The following GFOD1 variants were observed in gnomAD, a reference collection of about 807,000 sequenced individuals.
The protein encoded by GFOD1 is Gfo/Idh/MocA-like oxidoreductase domain containing 1, also known as glucose-fructose oxidoreductase domain-containing protein 1.
GFOD1 carries 9 observed loss-of-function variants against 25.4 expected under a neutral mutation model. That is an observed-to-expected ratio of 0.35 (90% CI 0.21 to 0.62). The LOEUF (loss-of-function observed/expected upper bound fraction) is 0.62. GFOD1 is among the 20% of genes least tolerant of loss of function. The probability of loss-of-function intolerance (pLI) is 0.72; values close to 1 mark genes in which losing one functional copy is unlikely to be tolerated. For missense variants in GFOD1, 403 were observed against 556.9 expected (o/e 0.72, Z 2.78); for synonymous variants, 253 against 245.6 (o/e 1.03, Z -0.28).
In GFOD1 at chr6:13,378,670, C is replaced by A. The variant is rs542265340; in HGVS notation, c.254-13008G>T. ...GGCCCCAGCCTTCCGCAAGTGGGCA[C>A]CTCTCATCTCAGCCAAAGGAACCAG... On this transcript the variant is annotated intron_variant, in intron 1 of 1. Transcript: ENST00000379287. Among the ~76,000 whole-genome samples, 3 of 152,274 alleles carry A rather than the reference C, an allele frequency of 2.0e-5. No homozygotes were observed. In the East Asian group the frequency reaches 5.8e-4, roughly 29 times the overall value.
chr6:13,390,757 GAGAA>G (rs1279041126), intron 1 of GFOD1, among the ~76,000 whole-genome samples: 1 of 94,676 alleles, frequency 1.1e-5, no homozygotes, highest in African/African-American at 5.8e-5. Flanking sequence ...GGAAGAGAGA[GAGAA>G]AGAGAGAGAG....
At chr6:13,412,908 A>T (rs1373296693) in intron 1 of GFOD1, among the ~76,000 whole-genome samples, 6 of 152,202 alleles carry the variant, frequency 3.9e-5, no homozygotes, top group Non-Finnish European at 4.4e-5. Context: ...TCTGCCTCAG[A>T]GTGTGTGTGT....
intron 1 of GFOD1, among the ~76,000 whole-genome samples, chr6:13,443,840 C>T (rs985889895): frequency 4.3e-4 from 47 of 109,360 alleles, no homozygotes; most frequent in African/African-American, 1.9e-3. Flanking sequence ...AAAAAAAAAT[C>T]ATCACAGCTA....
chr6:13,410,311 T>C (rs1219440256), intron 1 of GFOD1, among the ~76,000 whole-genome samples: 3 of 151,862 alleles, frequency 2.0e-5, no homozygotes, highest in African/African-American at 7.3e-5. Context: ...ACAATGAAAG[T>C]TGGAAAGAAG....
chr6:13,432,458 T>C (rs1033145212), intron 1 of GFOD1, among the ~76,000 whole-genome samples: 13 of 152,060 alleles, frequency 8.5e-5, no homozygotes, highest in Admixed American at 5.2e-4. Context: ...TCTTCCCACC[T>C]TGGCCTCCCA....
Position 13,439,835 on chromosome 6 carries a change from T to C in GFOD1, c.253+46803A>G, listed in dbSNP as rs149203984. On this transcript the variant is annotated intron_variant, in intron 1 of 1. Transcript: ENST00000379287. ...GGGAGAATACTTTCAAAGACACCAA[T>C]GTCTATGATTCACCCCTAGAGACTG... is the stretch of plus-strand genomic sequence containing the variant. 1.6e-3 allele frequency among the ~76,000 whole-genome samples: 247 copies of C among 152,298 alleles called. 2 individuals are homozygous for C. The highest frequency in any genetic ancestry group is 2.9e-3 in the Non-Finnish European group (198 of 68,026).
intron 1 of GFOD1, among the ~76,000 whole-genome samples, chr6:13,482,959 T>A: frequency 6.6e-6 from 1 of 151,242 alleles, no homozygotes; most frequent in East Asian, 1.9e-4. Flanking sequence ...ATATTATGTG[T>A]TATATATACA....
Position 13,360,961 on chromosome 6 carries a change from AGTTCCTCT to A in GFOD1, c.*3774_*3781del. The A allele has an allele frequency of 2.4e-6, 1 of 421,792 alleles. No homozygotes were observed. The highest frequency in any genetic ancestry group is 4.8e-6 in the Non-Finnish European group (1 of 207,492). 26.1% of individuals were successfully genotyped at this position (421,792 alleles called of 1,614,324 possible). ...CCTAACAGTTGTGTGACTTTGAACA[AGTTCCTCT>A]TCCTCTTACTGCCTCCATTTTCTCA... is the stretch of plus-strand genomic sequence containing the variant. On this transcript the variant is annotated 3_prime_UTR_variant, in exon 2 of 2. Transcript: ENST00000379287.
intron 1 of GFOD1, among the ~76,000 whole-genome samples, chr6:13,439,914 C>A (rs1469474774): frequency 1.3e-5 from 2 of 152,150 alleles, no homozygotes; most frequent in Admixed American, 1.3e-4. Flanking sequence ...AAGAATTTCA[C>A]GGGCAATTCT....
At chr6:13,399,450 A>G (rs570413664) in intron 1 of GFOD1, among the ~76,000 whole-genome samples, 1 of 152,368 alleles carries the variant, frequency 6.6e-6, no homozygotes, top group South Asian at 2.1e-4. Context: ...AGTTGTATTT[A>G]TAATTGCCAA....
At chr6:13,477,254 T>TGTA (rs1562231516) in intron 1 of GFOD1, among the ~76,000 whole-genome samples, 1 of 149,682 alleles carries the variant, frequency 6.7e-6, no homozygotes, top group Non-Finnish European at 1.5e-5. Flanking sequence ...TGTGTGTGTG[T>TGTA]AGATGAGAGA....
chr6:13,434,609 G>C (rs1757805375), intron 1 of GFOD1, among the ~76,000 whole-genome samples: 1 of 152,172 alleles, frequency 6.6e-6, no homozygotes, highest in African/African-American at 2.4e-5. Flanking sequence ...GGCATTATAA[G>C]AACACAAAAG....
intron 1 of GFOD1, chr6:13,472,179 G>C (rs1584672298): frequency 6.6e-6 from 1 of 152,320 alleles, no homozygotes; most frequent in African/African-American, 2.4e-5. Context: ...CTCCCCCTGG[G>C]TCCCTCCCAC....
intron 1 of GFOD1, among the ~76,000 whole-genome samples, chr6:13,400,354 G>A (rs1395306729): frequency 2.0e-5 from 3 of 151,450 alleles, no homozygotes; most frequent in Admixed American, 2.0e-4. Flanking sequence ...AGAGTTGGTG[G>A]TTACCACTGC....
intron 1 of GFOD1, among the ~76,000 whole-genome samples, chr6:13,373,170 G>A (rs1229178090): frequency 6.6e-6 from 1 of 152,192 alleles, no homozygotes; most frequent in African/African-American, 2.4e-5. Context: ...CAGGAAAGGC[G>A]TGATTATGGA....
intron 1 of GFOD1, among the ~76,000 whole-genome samples, chr6:13,370,378 A>G (rs2127555715): frequency 6.6e-6 from 1 of 152,366 alleles, no homozygotes; most frequent in African/African-American, 2.4e-5. Context: ...ATCATCATAC[A>G]TTCACAATAA....
chr6:13,441,707 T>C (rs1757918790), intron 1 of GFOD1, among the ~76,000 whole-genome samples: 1 of 152,210 alleles, frequency 6.6e-6, no homozygotes, highest in Non-Finnish European at 1.5e-5. Flanking sequence ...AAGAGTTAAG[T>C]TCCTATGGCA....
intron 1 of GFOD1, among the ~76,000 whole-genome samples, chr6:13,368,313 C>T (rs1176997698): frequency 6.6e-6 from 1 of 152,210 alleles, no homozygotes; most frequent in African/African-American, 2.4e-5. Flanking sequence ...CCCCTGATGG[C>T]CATGAAATAG....
chr6:13,386,943 C>T lies in GFOD1; in HGVS notation c.254-21281G>A, dbSNP rs114402430. 8.1e-3 allele frequency among the ~76,000 whole-genome samples: 1,238 copies of T among 152,270 alleles called. 17 individuals carry two copies. The highest frequency in any genetic ancestry group is 0.024 in the African/African-American group (991 of 41,550). On this transcript the variant is annotated intron_variant, in intron 1 of 1. Coordinates refer to ENST00000379287, the MANE Select transcript of GFOD1 (RefSeq NM_018988.4). The stretch of plus-strand genomic sequence containing the variant: ...AATGCTGGTGAAAAATGTTAAAAAG[C>T]ATCAATTCTGCATTCCATCCTCATT...
Sources: allele counts gnomAD v4.1 joint callset (sites outside exome capture counted in the v4.1 genomes callset), GRCh38; gene constraint gnomAD v4.1.1; transcripts MANE v1.5; gene names NCBI Gene and HGNC (gene_info 2026-07-23, HGNC 2026-07-21).